GULP1: variants seen among roughly 807,000 people sequenced by gnomAD.
GULP1 encodes PTB domain-containing engulfment adapter protein 1.
Under a neutral mutation model 40.9 loss-of-function variants are expected in GULP1, and 19 were observed. The ratio of observed to expected loss-of-function variants is 0.46; its 90% confidence interval spans 0.32 to 0.68. The LOEUF (loss-of-function observed/expected upper bound fraction) is 0.68, where lower values mean the gene tolerates loss of function less well. GULP1 is among the 30% of genes least tolerant of loss of function. GULP1 has a pLI of 0.03. For missense variants in GULP1, 312 were observed against 362.2 expected (o/e 0.86, Z 1.12); for synonymous variants, 119 against 117.6 (o/e 1.01, Z -0.08).
chr2:188,584,979 A>G (rs76857315), intron 10 of GULP1, among the ~76,000 whole-genome samples: 2,459 of 152,310 alleles, frequency 0.016, 77 homozygotes, highest in African/African-American at 0.055. Flanking sequence ...TGTAAAATAA[A>G]AAGCAAGTTA....
At chr2:188,520,297 C>T (rs145068102) in intron 4 of GULP1, among the ~76,000 whole-genome samples, 11 of 151,760 alleles carry the variant, frequency 7.2e-5, no homozygotes, top group East Asian at 3.9e-4. Context: ...CAGCACTTTG[C>T]GGGGCTGAGG....
At chr2:188,333,279 G>C (rs2041862155) in intron 1 of GULP1, among the ~76,000 whole-genome samples, 1 of 151,888 alleles carries the variant, frequency 6.6e-6, no homozygotes, top group African/African-American at 2.4e-5. Context: ...TATACTGAAG[G>C]GAATGGCTAC....
chr2:188,303,859 G>T (rs1266268413), intron 1 of GULP1, among the ~76,000 whole-genome samples: 4 of 152,152 alleles, frequency 2.6e-5, no homozygotes, highest in Non-Finnish European at 4.4e-5. Context: ...AACTAAGGAA[G>T]TCACCACACT....
chr2:188,497,177 A>T (rs1457562174), intron 4 of GULP1, among the ~76,000 whole-genome samples: 1 of 152,080 alleles, frequency 6.6e-6, no homozygotes, highest in East Asian at 1.9e-4. Flanking sequence ...TACAAAATGC[A>T]GTCCTGCTAG....
intron 7 of GULP1, among the ~76,000 whole-genome samples, chr2:188,563,740 A>G (rs1237370787): frequency 6.6e-6 from 1 of 151,846 alleles, no homozygotes; most frequent in Non-Finnish European, 1.5e-5. Context: ...AAACCTTTTC[A>G]GAATTAAGAG....
intron 4 of GULP1, among the ~76,000 whole-genome samples, chr2:188,519,189 C>A (rs1309618390): frequency 6.6e-6 from 1 of 152,038 alleles, no homozygotes; most frequent in Non-Finnish European, 1.5e-5. Context: ...ATTTAATACC[C>A]ACCATCACTC....
chr2:188,432,742 T>G (rs929268786), intron 2 of GULP1, among the ~76,000 whole-genome samples: 1 of 152,140 alleles, frequency 6.6e-6, no homozygotes, highest in Non-Finnish European at 1.5e-5. Flanking sequence ...CTTATTTATT[T>G]AATATTTACT....
chr2:188,368,945 A>ATATATATATATATATATATATG (rs2047212028), intron 1 of GULP1, among the ~76,000 whole-genome samples: 1 of 26,388 alleles, frequency 3.8e-5, no homozygotes. Flanking sequence ...GTGTGTATAT[A>ATATATATATATATATATATATG]TATATATATA....
intron 7 of GULP1, among the ~76,000 whole-genome samples, chr2:188,567,936 T>C (rs1698150234): frequency 6.6e-6 from 1 of 152,190 alleles, no homozygotes; most frequent in Admixed American, 6.6e-5. Context: ...ACCAATTAGT[T>C]TAAGTCAATG....
At chr2:188,488,169 A>G (rs1246231349) in intron 4 of GULP1, among the ~76,000 whole-genome samples, 1 of 152,018 alleles carries the variant, frequency 6.6e-6, no homozygotes, top group African/African-American at 2.4e-5. Context: ...TGACATGCTC[A>G]GATGCACCCC....
chr2:188,415,586 G>A (rs1439820149), intron 2 of GULP1, among the ~76,000 whole-genome samples: 2 of 151,938 alleles, frequency 1.3e-5, no homozygotes, highest in Non-Finnish European at 2.9e-5. Context: ...GCTGAAAAAA[G>A]GTATTGCAAT....
chr2:188,357,879 TA>T, intron 1 of GULP1, among the ~76,000 whole-genome samples: 1 of 152,120 alleles, frequency 6.6e-6, no homozygotes, highest in Admixed American at 6.6e-5. Context: ...ATGCAGCCAT[TA>T]AAAAATAATG....
chr2:188,587,837 T>C lies in GULP1; in HGVS notation c.749-18T>C. On this transcript the variant is annotated intron_variant, in intron 10 of 11. Coordinates refer to ENST00000409830, the MANE Select transcript of GULP1 (RefSeq NM_016315.4). ...ACTTCTTGTTATTTCATTTACTAAA[T>C]TATTTCCTTCCTTGCAGAACGGGAC... 4 of 1,409,018 alleles carry C rather than the reference T, an allele frequency of 2.8e-6. No individual in the cohort carries two copies. Among genetic ancestry groups the C allele is most frequent in the Non-Finnish European group, 4.0e-6 (4 of 1,002,026 alleles). The allele number at this position is 1,409,018 out of a possible 1,614,324, so 87.3% of individuals were successfully genotyped here.
At chr2:188,538,717 GTGTA>G (rs1689620557) in intron 6 of GULP1, among the ~76,000 whole-genome samples, 1 of 151,036 alleles carries the variant, frequency 6.6e-6, no homozygotes. Context: ...GTGTGTGTGT[GTGTA>G]GTGAGAGAGA....
intron 1 of GULP1, among the ~76,000 whole-genome samples, chr2:188,359,716 G>A (rs1291360026): frequency 6.6e-6 from 1 of 152,128 alleles, no homozygotes. Flanking sequence ...CTGAGGAGAA[G>A]GGAGGTGATA....
chr2:188,545,688 A>T (rs1476843910), intron 7 of GULP1, among the ~76,000 whole-genome samples: 2 of 151,936 alleles, frequency 1.3e-5, no homozygotes, highest in African/African-American at 4.8e-5. Flanking sequence ...GATAGGTAAC[A>T]GAAAAGAAAA....
chr2:188,484,296 T>C (rs1450289958), intron 4 of GULP1, among the ~76,000 whole-genome samples: 2 of 152,188 alleles, frequency 1.3e-5, no homozygotes, highest in African/African-American at 2.4e-5. Context: ...ATGGAAACAT[T>C]AATCTACGCT....
rs950838369 is a variant in GULP1, at chr2:188,520,498, C to G, written c.91-2258C>G. On this transcript the variant is annotated intron_variant, in intron 4 of 11. Transcript: ENST00000409830. The stretch of plus-strand genomic sequence containing the variant: ...TGAGCCGAGGTTGCACCACTGCACT[C>G]CAGCCTGGAAACACAGCGAGACTCC... Among the ~76,000 whole-genome samples the G allele has an allele frequency of 2.7e-5, 4 of 150,424 alleles. No individual in the cohort carries two copies. In the East Asian group the frequency reaches 5.9e-4, roughly 22 times the overall value.
At chr2:188,346,585 T>G (rs1004471377) in intron 1 of GULP1, among the ~76,000 whole-genome samples, 4 of 151,396 alleles carry the variant, frequency 2.6e-5, no homozygotes, top group Non-Finnish European at 2.9e-5. Flanking sequence ...CTCCGCCTCC[T>G]GGGTTCACGC....
Sources: allele counts gnomAD v4.1 joint callset (sites outside exome capture counted in the v4.1 genomes callset), GRCh38; gene constraint gnomAD v4.1.1; transcripts MANE v1.5; gene names NCBI Gene and HGNC (gene_info 2026-07-23, HGNC 2026-07-21).